Variants in DNTT observed in about 807,000 individuals in gnomAD.
DNTT encodes DNA nucleotidylexotransferase.
In DNTT, 47 loss-of-function variants were observed where a neutral mutation model predicts 60.9. The observed-to-expected ratio is 0.77, with a 90% CI of 0.61 to 0.98. The LOEUF (loss-of-function observed/expected upper bound fraction) is 0.98. DNTT is among the 50% of genes least tolerant of loss of function. The pLI is 0.00. For synonymous variants in DNTT, 224 were observed against 221.2 expected, an observed-to-expected ratio of 1.01 and a Z score of -0.11; for missense variants, 665 against 627.5, an observed-to-expected ratio of 1.06 and a Z score of -0.64.
chr10:96,320,938 GTCTCTCTCTC>G (rs57273993), intron 4 of DNTT, 150 bp downstream of exon 4: 357,540 of 548,120 alleles, frequency 0.65, 99,761 homozygotes, highest in Non-Finnish European at 0.7. Flanking sequence ...TCTCTCCTCT[GTCTCTCTCTC>G]TCTCTCTCTC....
chr10:96,318,076 C>A (rs1215188905), intron 1 of DNTT, among the ~76,000 whole-genome samples: 3 of 152,212 alleles, frequency 2.0e-5, no homozygotes, highest in Non-Finnish European at 4.4e-5. Context: ...GTTTTACCTT[C>A]CATCTTTTCT....
In DNTT at chr10:96,316,769, A is replaced by G. The variant is rs539640120; in HGVS notation, c.204-1583A>G. Among the ~76,000 whole-genome samples, 7 of 152,290 alleles carry G rather than the reference A, an allele frequency of 4.6e-5. No individual in the cohort carries two copies. The East Asian group carries it at 1.3e-3, about 29-fold the overall frequency. On this transcript the variant is annotated intron_variant, in intron 1 of 10. Coordinates refer to ENST00000371174, the MANE Select transcript of DNTT (RefSeq NM_004088.4). ...ACCATGTTTTTTTCCTTCTCTGAAC[A>G]TGGCAGATCTTCATGCCTCATGTCT...
intron 7 of DNTT, among the ~76,000 whole-genome samples, chr10:96,328,496 G>T (rs570446527): frequency 6.6e-6 from 1 of 152,090 alleles, no homozygotes; most frequent in South Asian, 2.1e-4. Context: ...GTTATTTTTT[G>T]CCTTGATATA....
At chr10:96,307,443 C>A (rs1297558771) in intron 1 of DNTT, among the ~76,000 whole-genome samples, 5 of 146,470 alleles carry the variant, frequency 3.4e-5, no homozygotes, top group African/African-American at 1.0e-4. Context: ...CAACCTCCAC[C>A]TCCCAGGTTC....
chr10:96,338,439 A>G lies in DNTT; in HGVS notation c.*215A>G. ...TGTTTATGACTGTTGCATAGAATTCACAATGCATTTTTCAAGAGAAATGAT... is the reference window on the plus strand; with the variant it reads ...TGTTTATGACTGTTGCATAGAATTCGCAATGCATTTTTCAAGAGAAATGAT... On this transcript the variant is annotated 3_prime_UTR_variant, in exon 11 of 11. Coordinates refer to ENST00000371174, the MANE Select transcript of DNTT (RefSeq NM_004088.4). 2 of 392,806 alleles carry G rather than the reference A, an allele frequency of 5.1e-6. No homozygotes were observed. The highest frequency in any genetic ancestry group is 4.5e-6 in the Non-Finnish European group (1 of 220,422). 24.3% of individuals were successfully genotyped at this position (392,806 alleles called of 1,614,324 possible).
intron 1 of DNTT, among the ~76,000 whole-genome samples, chr10:96,317,696 G>GAC (rs1365451631): frequency 6.6e-6 from 1 of 152,128 alleles, no homozygotes; most frequent in Non-Finnish European, 1.5e-5. Flanking sequence ...GCTATGTGAG[G>GAC]ACACACAGTG....
intron 8 of DNTT, 91 bp from the exon 9 acceptor site, chr10:96,332,260 G>A (rs2133995084): frequency 3.9e-6 from 6 of 1,538,962 alleles, no homozygotes; most frequent in East Asian, 2.3e-5. Context: ...TGTTCTGCTC[G>A]AATCTGAAAA....
chr10:96,330,276 A>G (rs1462679660), intron 8 of DNTT, among the ~76,000 whole-genome samples: 1 of 148,310 alleles, frequency 6.7e-6, no homozygotes, highest in Admixed American at 6.7e-5. Flanking sequence ...TCTCTTACCC[A>G]CCAAGTGACA....
intron 1 of DNTT, among the ~76,000 whole-genome samples, chr10:96,312,222 T>C (rs1844728232): frequency 6.6e-6 from 1 of 152,126 alleles, no homozygotes; most frequent in African/African-American, 2.4e-5. Context: ...ATAGAAAAGA[T>C]CTTTCTCTAC....
chr10:96,314,701 C>T (rs368060506), intron 1 of DNTT, among the ~76,000 whole-genome samples: 2 of 152,072 alleles, frequency 1.3e-5, no homozygotes, highest in South Asian at 2.1e-4. Context: ...CATGAGCCAC[C>T]GCGCCCAGCC....
chr10:96,308,327 A>G (rs1309776663), intron 1 of DNTT, among the ~76,000 whole-genome samples: 2 of 152,198 alleles, frequency 1.3e-5, no homozygotes, highest in African/African-American at 2.4e-5. Flanking sequence ...GTGCCATTCA[A>G]TGTGCCATAG....
At chr10:96,320,511 C>T (rs1019304904) in intron 3 of DNTT, 107 bp from the exon 4 acceptor site, 46 of 1,312,990 alleles carry the variant, frequency 3.5e-5, no homozygotes, top group Middle Eastern at 1.9e-4. Context: ...GAAGGAAACA[C>T]GCAAGTGGTA....
At chr10:96,324,115 C>T (rs1269840503) in intron 5 of DNTT, 151 bp from the exon 6 acceptor site, 1 of 1,012,496 alleles carries the variant, frequency 9.9e-7, no homozygotes, top group Non-Finnish European at 1.4e-6. Context: ...TAAAAATAAC[C>T]ATCACCCACC....
chr10:96,330,167 A>G (rs1046166906), intron 8 of DNTT, among the ~76,000 whole-genome samples: 2 of 152,196 alleles, frequency 1.3e-5, no homozygotes, highest in African/African-American at 4.8e-5. Context: ...TGCTGCAGAC[A>G]ACCTTCTGAA....
intron 1 of DNTT, among the ~76,000 whole-genome samples, chr10:96,310,424 G>A (rs896622598): frequency 6.6e-6 from 1 of 152,134 alleles, no homozygotes; most frequent in African/African-American, 2.4e-5. Context: ...AATAAAAGTT[G>A]AACTGGCCAC....
chr10:96,331,429 G>A (rs1845004892), intron 8 of DNTT, among the ~76,000 whole-genome samples: 2 of 152,204 alleles, frequency 1.3e-5, no homozygotes, highest in Non-Finnish European at 2.9e-5. Context: ...TGCTTCTGGT[G>A]CGGCCTCAGG....
chr10:96,309,799 G>A (rs1308757436), intron 1 of DNTT, among the ~76,000 whole-genome samples: 1 of 152,178 alleles, frequency 6.6e-6, no homozygotes, highest in Non-Finnish European at 1.5e-5. Context: ...GTTCATCACT[G>A]CCAGGAGAAT....
chr10:96,336,893 A>G (rs187198028), intron 10 of DNTT, among the ~76,000 whole-genome samples: 2,007 of 147,304 alleles, frequency 0.014, 19 homozygotes, highest in Non-Finnish European at 0.019. Flanking sequence ...AGCCGAGATC[A>G]CACCACTGCA....
chr10:96,311,400 A>G (rs113434823), intron 1 of DNTT, among the ~76,000 whole-genome samples: 33 of 152,354 alleles, frequency 2.2e-4, no homozygotes, highest in African/African-American at 7.9e-4. Context: ...AAATAAAAAT[A>G]GCTGCCACTT....
Sources: gnomAD v4.1 joint callset for allele counts (sites outside exome capture counted in the v4.1 genomes callset) on GRCh38, gnomAD v4.1.1 for gene constraint, MANE v1.5 for transcripts, NCBI Gene and HGNC (gene_info 2026-07-23, HGNC 2026-07-21) for gene names.